Variants in TRPM1 observed in about 807,000 individuals in gnomAD.
TRPM1 encodes TRPM1-203 APA Isoform, Intron 10.
TRPM1 carries 113 observed loss-of-function variants against 149.4 expected under a neutral mutation model. The ratio of observed to expected loss-of-function variants is 0.76; its 90% CI spans 0.65 to 0.88. The LOEUF is 0.88. TRPM1 is among the 40% of genes least tolerant of loss of function. The probability of loss-of-function intolerance (pLI) is 0.00; values close to 1 mark genes in which losing one functional copy is unlikely to be tolerated. For missense variants in TRPM1, 1,976 were observed against 2,038.7 expected (o/e 0.97, Z 0.59); for synonymous variants, 741 against 759.5 (o/e 0.98, Z 0.40).
intron 3 of TRPM1, among the ~76,000 whole-genome samples, chr15:31,071,936 C>T (rs1210404984): frequency 3.2e-5 from 4 of 125,634 alleles, no homozygotes; most frequent in East Asian, 2.4e-4. Context: ...TGCACTCCAG[C>T]GTGGTTGACA....
chr15:31,129,477 C>A (rs1172325113), intron 1 of TRPM1, among the ~76,000 whole-genome samples: 3 of 152,164 alleles, frequency 2.0e-5, no homozygotes, highest in African/African-American at 7.2e-5. Flanking sequence ...CCCACCTGGC[C>A]GCCTCCAGTG....
At chr15:31,091,005 T>G (rs1405145394) in intron 1 of TRPM1, among the ~76,000 whole-genome samples, 1 of 152,226 alleles carries the variant, frequency 6.6e-6, no homozygotes, top group African/African-American at 2.4e-5. Context: ...TAGCAGCGAT[T>G]GTATTCAGTA....
At chr15:31,027,886 A>G (rs2032859980) in intron 25 of TRPM1, among the ~76,000 whole-genome samples, 1 of 152,154 alleles carries the variant, frequency 6.6e-6, no homozygotes, top group East Asian at 1.9e-4. Flanking sequence ...CCTTTAAGCC[A>G]TTTTTTTCTT....
intron 4 of TRPM1, chr15:31,069,684 AAGGGGGCTGC>A: frequency 7.1e-7 from 1 of 1,416,630 alleles, no homozygotes; most frequent in Non-Finnish European, 9.2e-7. Flanking sequence ...CAACACATCT[AAGGGGGCTGC>A]AGGTCCACAG....
chr15:31,012,164 TATA>T (rs978807587), intron 27 of TRPM1, among the ~76,000 whole-genome samples: 4 of 152,244 alleles, frequency 2.6e-5, no homozygotes, highest in African/African-American at 7.2e-5. Flanking sequence ...AAAATACATT[TATA>T]ATGCCTTTTA....
chr15:31,050,502 T>C lies in TRPM1; in HGVS notation c.1344A>G (p.Gly448=). Residue 448 remains glycine, a synonymous_variant, in exon 12 of 28, where the codon GGA becomes GGG. Transcript: ENST00000256552. The part of the protein sequence containing the change: ...EKKPPMATTK[G]GRGKGKGKKK... ...TCTTGCCTTTCCCTTTTCCTCTTCC[T>C]CCCTTGGTGGTGGCCATGGGTGGCT... 6.2e-7 allele frequency: 1 copy of C among 1,614,116 alleles called. No individual in the cohort carries two copies. The highest frequency in any genetic ancestry group is 8.5e-7 in the Non-Finnish European group (1 of 1,180,016).
Position 31,001,996 on chromosome 15 carries a change from T to C in TRPM1, c.4704A>G (p.Pro1568=). The change falls in exon 28 of 28, where the codon CCA becomes CCG. Residue 1568 remains proline (P), a synonymous_variant. Coordinates refer to ENST00000256552, the MANE Select transcript of TRPM1 (RefSeq NM_001252024.2). ...CATGTAAACTTTTTGACCTGAGAGA[T>C]GGGAATCCCAAAGTTTGATCTGGCT... ...SVKPDQTLGF[P]SLRSKSLHGH... is the part of the protein sequence containing the mutation. The C allele has an allele frequency of 6.2e-7, 1 of 1,614,222 alleles. No individual in the cohort carries two copies. The highest frequency in any genetic ancestry group is 8.5e-7 in the Non-Finnish European group (1 of 1,180,036).
At chr15:31,089,668 C>G (rs761516218) in intron 1 of TRPM1, among the ~76,000 whole-genome samples, 7 of 152,228 alleles carry the variant, frequency 4.6e-5, no homozygotes, top group African/African-American at 9.7e-5. Flanking sequence ...TGGGACGGTT[C>G]ACCCTATGAT....
chr15:31,026,074 A>G (rs2032723862), intron 27 of TRPM1, 65 bp downstream of exon 27: 1 of 1,596,512 alleles, frequency 6.3e-7, no homozygotes, highest in Non-Finnish European at 8.5e-7. Flanking sequence ...CATCCCCCAT[A>G]GAGTGGGGCG....
chr15:31,029,475 G>T, intron 23 of TRPM1, 84 bp from the exon 24 acceptor site: 1 of 1,389,162 alleles, frequency 7.2e-7, no homozygotes, highest in Non-Finnish European at 1.0e-6. Context: ...ATGGTTGAGA[G>T]AAAAGTAAAA....
chr15:31,002,016 C>G lies in TRPM1; in HGVS notation c.4684G>C (p.Asp1562His). 2 of 1,614,208 alleles carry G rather than the reference C, an allele frequency of 1.2e-6. No individual in the cohort carries two copies. Among genetic ancestry groups the G allele is most frequent in the South Asian group, 1.1e-5 (1 of 91,084 alleles). ...AGAGATGGGAATCCCAAAGTTTGATCTGGCTTCACAGACAGTAAGTTTTCC... is the reference window on the plus strand; with the variant it reads ...AGAGATGGGAATCCCAAAGTTTGATGTGGCTTCACAGACAGTAAGTTTTCC... ...GMENLLSVKP[D>H]QTLGFPSLRS... is the part of the protein sequence containing the mutation. The change falls in exon 28 of 28, where the codon GAT becomes CAT. Residue 1562 changes from aspartate to histidine, a missense_variant. Physicochemically the swap from Asp to His is moderately conservative, Grantham distance 81. Coordinates refer to ENST00000256552, the MANE Select transcript of TRPM1 (RefSeq NM_001252024.2).
chr15:31,032,895 A>G lies in TRPM1; in HGVS notation c.2746T>C (p.Trp916Arg). 1 of 1,614,264 alleles carries G rather than the reference A, an allele frequency of 6.2e-7. No individual in the cohort carries two copies. The highest frequency in any genetic ancestry group is 8.5e-7 in the Non-Finnish European group (1 of 1,180,050). Residue 916 changes from tryptophan to arginine, a missense_variant, in exon 22 of 28, where the codon TGG becomes CGG. Around this residue, in one of 3 missense-constraint regions of TRPM1, gnomAD observed 1,332 missense variants for 1,347.1 expected, o/e 0.99. Transcript: ENST00000256552. ...GTGATGTTCCAGTACTCCTGAAGCC[A>G]AACTTTGATTTTCTGGCTGAGTTTG... ...PGKLSQKIKV[W>R]LQEYWNITDL...
chr15:31,131,340 T>C (rs2036013587), intron 1 of TRPM1, among the ~76,000 whole-genome samples: 1 of 152,010 alleles, frequency 6.6e-6, no homozygotes, highest in Admixed American at 6.6e-5. Context: ...TTCCTTTCAG[T>C]GAAAAGGTGA....
At chr15:31,062,138 A>G (rs1468524182) in intron 9 of TRPM1, among the ~76,000 whole-genome samples, 1 of 152,216 alleles carries the variant, frequency 6.6e-6, no homozygotes, top group Non-Finnish European at 1.5e-5. Context: ...CTAATCAGAC[A>G]GGAGATATTT....
At chr15:31,152,436 G>A (rs1366016717) in intron 1 of TRPM1, among the ~76,000 whole-genome samples, 1 of 152,160 alleles carries the variant, frequency 6.6e-6, no homozygotes, top group Non-Finnish European at 1.5e-5. Context: ...TGGACAAAGT[G>A]GACCCCTGAC....
intron 11 of TRPM1, among the ~76,000 whole-genome samples, chr15:31,052,024 T>C (rs1033054502): frequency 7.2e-5 from 11 of 152,214 alleles, no homozygotes; most frequent in Admixed American, 2.6e-4. Context: ...TTTTGCTTAA[T>C]TCTGATTCTT....
chr15:31,053,977 G>C (rs1005754060), intron 11 of TRPM1, among the ~76,000 whole-genome samples: 2 of 152,174 alleles, frequency 1.3e-5, no homozygotes, highest in African/African-American at 4.8e-5. Context: ...AAATAAGCCA[G>C]TCACAAAAGG....
intron 1 of TRPM1, among the ~76,000 whole-genome samples, chr15:31,111,453 T>A (rs1331698810): frequency 6.6e-6 from 1 of 152,206 alleles, no homozygotes; most frequent in Non-Finnish European, 1.5e-5. Context: ...TATATGGAAG[T>A]TGATTCGACC....
At chr15:31,079,721 A>G (rs1237520289) in intron 2 of TRPM1, among the ~76,000 whole-genome samples, 1 of 152,238 alleles carries the variant, frequency 6.6e-6, no homozygotes, top group Non-Finnish European at 1.5e-5. Context: ...GCACATATGC[A>G]TGCATGCCTG....
Sources: gnomAD v4.1 joint callset for allele counts (sites outside exome capture counted in the v4.1 genomes callset) on GRCh38, gnomAD v4.1.1 for gene constraint, gnomAD v4.1.1 regional missense constraint, MANE v1.5 for transcripts, NCBI Gene and HGNC (gene_info 2026-07-23, HGNC 2026-07-21) for gene names.